Variants in TANC1 observed in about 807,000 individuals in gnomAD.
TANC1 encodes the protein protein TANC1.
TANC1 carries 77 observed loss-of-function variants against 149.7 expected under a neutral mutation model. The ratio of observed to expected loss-of-function variants is 0.51; its 90% CI spans 0.43 to 0.62. The LOEUF is 0.62. TANC1 is among the 20% of genes least tolerant of loss of function. The probability of loss-of-function intolerance (pLI) is 0.00; values close to 1 mark genes in which losing one functional copy is unlikely to be tolerated. For synonymous variants in TANC1, 854 were observed against 925.0 expected (o/e 0.92, Z 1.39); for missense variants, 1,985 against 2,321.8 (o/e 0.85, Z 2.98).
intron 5 of TANC1, among the ~76,000 whole-genome samples, chr2:159,145,917 C>T (rs1255489235): frequency 2.0e-5 from 3 of 152,188 alleles, no homozygotes; most frequent in Non-Finnish European, 4.4e-5. Flanking sequence ...CAGCCCTCAT[C>T]CCACTGGTAT....
At chr2:159,228,053 C>T in intron 25 of TANC1, 88 bp downstream of exon 25, 1 of 1,399,016 alleles carries the variant, frequency 7.1e-7, no homozygotes, top group Non-Finnish European at 9.7e-7. Context: ...CAGACCAGAT[C>T]CTGGGCCCTC....
At chr2:158,990,197 A>G (rs894277967) in intron 1 of TANC1, among the ~76,000 whole-genome samples, 17 of 152,254 alleles carry the variant, frequency 1.1e-4, no homozygotes, top group African/African-American at 4.1e-4. Context: ...CAGCCTCCCA[A>G]AGTGCTGGGA....
chr2:159,119,870 G>A (rs949754772), intron 4 of TANC1, among the ~76,000 whole-genome samples: 2 of 152,248 alleles, frequency 1.3e-5, no homozygotes, highest in African/African-American at 2.4e-5. Flanking sequence ...TGCGCTTGAT[G>A]TTTGCAAGAG....
intron 3 of TANC1, among the ~76,000 whole-genome samples, chr2:159,082,498 C>T (rs566586396): frequency 1.3e-5 from 2 of 152,222 alleles, no homozygotes; most frequent in African/African-American, 4.8e-5. Context: ...CTCCTTTACA[C>T]TCTCCTTTTG....
chr2:159,139,042 G>T (rs2051078790), intron 5 of TANC1, among the ~76,000 whole-genome samples: 2 of 152,288 alleles, frequency 1.3e-5, no homozygotes, highest in Admixed American at 1.3e-4. Flanking sequence ...GTAAGAAGAT[G>T]AATTTTTTTT....
At chr2:159,049,682 G>A (rs2041328272) in intron 2 of TANC1, among the ~76,000 whole-genome samples, 1 of 152,176 alleles carries the variant, frequency 6.6e-6, no homozygotes, top group Admixed American at 6.5e-5. Context: ...GTGAGACGGA[G>A]ACCTGTTTGG....
intron 16 of TANC1, 128 bp downstream of exon 16, chr2:159,187,152 G>T: frequency 1.2e-5 from 13 of 1,110,570 alleles, no homozygotes; most frequent in Non-Finnish European, 1.1e-5. Flanking sequence ...CTAAAGATGT[G>T]CTTCCCTGAT....
chr2:159,133,335 T>C (rs997515508), intron 4 of TANC1, among the ~76,000 whole-genome samples: 1 of 147,924 alleles, frequency 6.8e-6, no homozygotes, highest in Non-Finnish European at 1.5e-5. Context: ...CTTGTCTTTG[T>C]TCTGGTTCCT....
intron 22 of TANC1, among the ~76,000 whole-genome samples, chr2:159,221,596 C>T (rs2059711637): frequency 6.6e-6 from 1 of 152,174 alleles, no homozygotes; most frequent in Non-Finnish European, 1.5e-5. Context: ...TGCTGTCTTT[C>T]CGTGCCTGGC....
intron 1 of TANC1, among the ~76,000 whole-genome samples, chr2:158,985,064 G>T (rs557688998): frequency 6.6e-6 from 1 of 152,272 alleles, no homozygotes; most frequent in South Asian, 2.1e-4. Context: ...ACTGGCGTGG[G>T]GACAGATGGG....
At chr2:159,095,490 G>A (rs1278275311) in intron 3 of TANC1, among the ~76,000 whole-genome samples, 1 of 152,050 alleles carries the variant, frequency 6.6e-6, no homozygotes, top group Admixed American at 6.6e-5. Context: ...TGTAATCCCA[G>A]CACTTTGGGG....
intron 4 of TANC1, among the ~76,000 whole-genome samples, chr2:159,135,152 C>A (rs1050749251): frequency 2.0e-5 from 3 of 152,210 alleles, no homozygotes; most frequent in Non-Finnish European, 4.4e-5. Flanking sequence ...TTTATACTTT[C>A]TGAAAGATTT....
At chr2:159,130,603 G>A (rs559773878) in intron 4 of TANC1, among the ~76,000 whole-genome samples, 3 of 152,298 alleles carry the variant, frequency 2.0e-5, no homozygotes, top group East Asian at 1.9e-4. Flanking sequence ...TTCTGTAGCC[G>A]CAGCCTGCTT....
chr2:159,182,961 G>A (rs774950704), intron 14 of TANC1, among the ~76,000 whole-genome samples: 3 of 152,184 alleles, frequency 2.0e-5, no homozygotes, highest in Admixed American at 1.3e-4. Context: ...TGAAGACGTC[G>A]CATCAGAATG....
intron 5 of TANC1, among the ~76,000 whole-genome samples, chr2:159,143,802 TA>T (rs1451504391): frequency 6.6e-6 from 1 of 152,084 alleles, no homozygotes; most frequent in African/African-American, 2.4e-5. Context: ...TGTAAAATTG[TA>T]AAAACAATGC....
At chr2:159,048,620 T>G (rs1300045792) in intron 2 of TANC1, among the ~76,000 whole-genome samples, 1 of 152,246 alleles carries the variant, frequency 6.6e-6, no homozygotes, top group Non-Finnish European at 1.5e-5. Context: ...GGATTTCTGA[T>G]GTTAATGCTG....
chr2:159,062,074 C>A (rs2042275260), intron 2 of TANC1, among the ~76,000 whole-genome samples: 1 of 152,090 alleles, frequency 6.6e-6, no homozygotes, highest in Non-Finnish European at 1.5e-5. Context: ...CCCGTCTCTA[C>A]TAAAAATACA....
In TANC1 at chr2:159,150,379, C is replaced by T; in HGVS notation, c.505C>T (p.Leu169=). 6.2e-7 allele frequency: 1 copy of T among 1,614,050 alleles called. No individual in the cohort carries two copies. Among genetic ancestry groups the T allele is most frequent in the Non-Finnish European group, 8.5e-7 (1 of 1,179,980 alleles). Residue 169 remains leucine, a synonymous_variant, in exon 7 of 27, where the codon CTG becomes TTG. Transcript: ENST00000263635. The part of the protein sequence containing the change: ...EDKNETMCTA[L]SQGISPCSTL... Reference sequence around the variant, plus strand: ...TCCATTCATCTTGCAGTGCACAGCTCTGAGTCAAGGCATCAGTCCTTGCTC... The same window carrying T: ...TCCATTCATCTTGCAGTGCACAGCTTTGAGTCAAGGCATCAGTCCTTGCTC...
At chr2:159,010,457 T>C (rs2037638265) in intron 2 of TANC1, among the ~76,000 whole-genome samples, 1 of 152,224 alleles carries the variant, frequency 6.6e-6, no homozygotes, top group African/African-American at 2.4e-5. Flanking sequence ...GTGCTGATTC[T>C]AGATGCATTA....
Sources: allele counts gnomAD v4.1 joint callset (sites outside exome capture counted in the v4.1 genomes callset), GRCh38; gene constraint gnomAD v4.1.1; transcripts MANE v1.5; gene names NCBI Gene and HGNC (gene_info 2026-07-23, HGNC 2026-07-21).